SLIT3: variants seen among roughly 807,000 people sequenced by gnomAD.
SLIT3 encodes slit homolog 3 protein.
SLIT3 carries 68 observed loss-of-function variants against 184.0 expected under a neutral mutation model. The observed-to-expected ratio is 0.37, with a 90% CI of 0.30 to 0.45. SLIT3 has a LOEUF of 0.45. Among genes scored for constraint, SLIT3 ranks in the 20% least tolerant of loss-of-function variants. SLIT3 has a pLI of 1.00. For missense variants in SLIT3, 1,707 were observed against 2,026.0 expected (o/e 0.84, Z 3.02); for synonymous variants, 831 against 828.6 (o/e 1.00, Z -0.05).
chr5:168,926,566 A>G (rs531441541), intron 4 of SLIT3, among the ~76,000 whole-genome samples: 93 of 152,332 alleles, frequency 6.1e-4, no homozygotes, highest in Non-Finnish European at 1.1e-3. Flanking sequence ...CGGCAGACCT[A>G]TATTTCTACA....
chr5:168,755,445 CTTTT>C lies in SLIT3; in HGVS notation c.1686-1442_1686-1439del, dbSNP rs1554138540. 1.6e-5 allele frequency among the ~76,000 whole-genome samples: 2 copies of C among 125,736 alleles called. 1 individual carries two copies. Among genetic ancestry groups the C allele is most frequent in the South Asian group, 5.5e-4 (2 of 3,632 alleles). The allele number at this position is 125,736 out of a possible 152,430, so 82.5% of individuals were successfully genotyped here. On this transcript the variant is annotated intron_variant, in intron 16 of 35. Transcript: ENST00000519560. ...TCTTTCTTTCTTTCTTTCTTTCTTT[CTTTT>C]TGAGACAGAATTTCTCTCCTTGTTG...
At chr5:168,683,843 G>T in intron 32 of SLIT3, 123 bp downstream of exon 32, 1 of 875,282 alleles carries the variant, frequency 1.1e-6, no homozygotes. Context: ...GCGCACATGT[G>T]CGTGGTAGGG....
chr5:169,286,070 T>C (rs1175273666), intron 1 of SLIT3, among the ~76,000 whole-genome samples: 1 of 152,196 alleles, frequency 6.6e-6, no homozygotes, highest in African/African-American at 2.4e-5. Flanking sequence ...TCCTCTAAGC[T>C]TGACATGTAT....
At position 168,888,609 on chromosome 5, in the gene SLIT3, T is replaced by C. The variant is rs149776952; in HGVS notation, c.414-5273A>G. Among the ~76,000 whole-genome samples the C allele has an allele frequency of 4.0e-3, 616 of 152,318 alleles. 4 individuals carry two copies. Among genetic ancestry groups the C allele is most frequent in the African/African-American group, 0.014 (582 of 41,566 alleles). On this transcript the variant is annotated intron_variant, in intron 4 of 35. Transcript: ENST00000519560. ...CAAGGGAAACTAACTGACCAAAGAA[T>C]GTGGGAACAACCCAATCTGGCATCT...
intron 4 of SLIT3, among the ~76,000 whole-genome samples, chr5:169,170,081 G>T (rs893078347): frequency 6.6e-6 from 1 of 152,184 alleles, no homozygotes; most frequent in Non-Finnish European, 1.5e-5. Flanking sequence ...GACTGCACTC[G>T]GATGAGGGAT....
intron 4 of SLIT3, among the ~76,000 whole-genome samples, chr5:168,933,022 C>T (rs895860067): frequency 7.2e-5 from 11 of 152,178 alleles, no homozygotes; most frequent in Admixed American, 5.9e-4. Context: ...AAAGCATTGC[C>T]AGCTTACAGA....
At chr5:168,771,076 A>G (rs1057445627) in intron 14 of SLIT3, among the ~76,000 whole-genome samples, 3 of 152,170 alleles carry the variant, frequency 2.0e-5, no homozygotes, top group Non-Finnish European at 4.4e-5. Flanking sequence ...TTGGCAGATA[A>G]TACCCTGCCC....
chr5:168,952,584 A>AT (rs1264807971), intron 4 of SLIT3, among the ~76,000 whole-genome samples: 1 of 149,568 alleles, frequency 6.7e-6, no homozygotes, highest in African/African-American at 2.6e-5. Context: ...AAAAAAAAAA[A>AT]AAAGACAGAG....
intron 4 of SLIT3, among the ~76,000 whole-genome samples, chr5:169,175,522 G>T (rs1052981838): frequency 1.3e-5 from 2 of 152,156 alleles, no homozygotes; most frequent in African/African-American, 2.4e-5. Context: ...TAATTATGAA[G>T]ATTAAAGGAG....
chr5:169,163,657 C>G (rs1324804071), intron 4 of SLIT3, among the ~76,000 whole-genome samples: 3 of 152,146 alleles, frequency 2.0e-5, no homozygotes, highest in Non-Finnish European at 4.4e-5. Flanking sequence ...AGGCTGGCAA[C>G]CTCACCAAAG....
intron 4 of SLIT3, among the ~76,000 whole-genome samples, chr5:169,188,048 C>A (rs1255402205): frequency 6.6e-6 from 1 of 152,148 alleles, no homozygotes; most frequent in African/African-American, 2.4e-5. Context: ...ACCTCCGTCT[C>A]CAGGGCTCAA....
intron 4 of SLIT3, among the ~76,000 whole-genome samples, chr5:169,104,948 A>G (rs1263786512): frequency 6.6e-6 from 1 of 152,146 alleles, no homozygotes; most frequent in African/African-American, 2.4e-5. Context: ...CATGCGCGCC[A>G]TTTTCATGTC....
intron 4 of SLIT3, among the ~76,000 whole-genome samples, chr5:169,089,996 GA>G (rs1759508970): frequency 6.6e-6 from 1 of 152,182 alleles, no homozygotes; most frequent in African/African-American, 2.4e-5. Context: ...ATTTCCTACA[GA>G]AAGAATTTAA....
chr5:169,292,888 T>C (rs1767399745), intron 1 of SLIT3, among the ~76,000 whole-genome samples: 1 of 152,206 alleles, frequency 6.6e-6, no homozygotes, highest in African/African-American at 2.4e-5. Context: ...GATATGGGGA[T>C]GTCAGGCAGC....
In SLIT3 at chr5:168,817,290, G is replaced by A. The variant is rs759594952; in HGVS notation, c.793+10C>T. On this transcript the variant is annotated intron_variant, in intron 8 of 35. Transcript: ENST00000519560. ...AGCACAGGAGGGGAGAGCAGGTAAA[G>A]CATCCTCACCTGGGCACACGTACTC... The A allele has an allele frequency of 1.3e-5, 21 of 1,613,646 alleles. No homozygotes were observed. Among genetic ancestry groups the A allele is most frequent in the Non-Finnish European group, 1.5e-5 (18 of 1,179,694 alleles).
At chr5:168,767,137 G>A (rs1755372659) in intron 14 of SLIT3, among the ~76,000 whole-genome samples, 1 of 152,150 alleles carries the variant, frequency 6.6e-6, no homozygotes, top group South Asian at 2.1e-4. Flanking sequence ...TTCACTGCCT[G>A]GCCTATAGCA....
At chr5:168,866,730 C>T (rs144146594) in intron 5 of SLIT3, among the ~76,000 whole-genome samples, 139 of 152,298 alleles carry the variant, frequency 9.1e-4, no homozygotes, top group African/African-American at 3.2e-3. Flanking sequence ...AACTACCTAA[C>T]CTTGCTGAGT....
chr5:169,085,608 A>G (rs1278119708), intron 4 of SLIT3, among the ~76,000 whole-genome samples: 1 of 152,346 alleles, frequency 6.6e-6, no homozygotes, highest in East Asian at 1.9e-4. Flanking sequence ...TGAAATGGAA[A>G]TAAGAAGGAG....
chr5:168,926,969 C>T (rs1486162432), intron 4 of SLIT3, among the ~76,000 whole-genome samples: 1 of 152,118 alleles, frequency 6.6e-6, no homozygotes, highest in Non-Finnish European at 1.5e-5. Context: ...AATGGTGGTT[C>T]TTCAAAACAT....
Sources: allele counts gnomAD v4.1 joint callset (sites outside exome capture counted in the v4.1 genomes callset), GRCh38; gene constraint gnomAD v4.1.1; transcripts MANE v1.5; gene names NCBI Gene and HGNC (gene_info 2026-07-23, HGNC 2026-07-21).